Variants in NLGN1 observed in about 807,000 individuals in gnomAD.
NLGN1 encodes the protein neuroligin 1.
NLGN1 carries 12 observed loss-of-function variants against 65.5 expected under a neutral mutation model. That is an observed-to-expected ratio of 0.18 (90% CI 0.12 to 0.30). The LOEUF is 0.30. Among genes scored for constraint, NLGN1 ranks in the 10% least tolerant of loss-of-function variants. The pLI is 1.00. For missense variants in NLGN1, 750 were observed against 1,007.1 expected (o/e 0.74, Z 3.46); for synonymous variants, 350 against 359.5 (o/e 0.97, Z 0.30).
At chr3:173,981,627 C>T (rs574891523) in intron 4 of NLGN1, among the ~76,000 whole-genome samples, 18 of 152,110 alleles carry the variant, frequency 1.2e-4, no homozygotes, top group African/African-American at 2.4e-4. Flanking sequence ...TGTTGTGATA[C>T]GCTGTTTAAT....
intron 3 of NLGN1, among the ~76,000 whole-genome samples, chr3:173,771,868 A>G (rs1379174220): frequency 2.6e-5 from 4 of 151,902 alleles, no homozygotes; most frequent in African/African-American, 2.4e-5. Context: ...TTATAAAAAT[A>G]TACATATACA....
chr3:174,011,038 A>G (rs561546977), intron 4 of NLGN1, among the ~76,000 whole-genome samples: 1 of 152,280 alleles, frequency 6.6e-6, no homozygotes, highest in African/African-American at 2.4e-5. Context: ...ACCATTAAAT[A>G]CAATTTACGT....
At chr3:174,179,910 G>A (rs944590884) in intron 4 of NLGN1, among the ~76,000 whole-genome samples, 6 of 152,180 alleles carry the variant, frequency 3.9e-5, no homozygotes, top group Non-Finnish European at 8.8e-5. Context: ...ATGGTGATAC[G>A]TTTTGATCTG....
At chr3:173,976,442 A>C (rs1717488975) in intron 4 of NLGN1, among the ~76,000 whole-genome samples, 1 of 152,072 alleles carries the variant, frequency 6.6e-6, no homozygotes, top group African/African-American at 2.4e-5. Context: ...GCTATTACAG[A>C]CAATGTACTG....
chr3:174,131,011 C>T (rs145353840), intron 4 of NLGN1, among the ~76,000 whole-genome samples: 1 of 152,226 alleles, frequency 6.6e-6, no homozygotes, highest in East Asian at 1.9e-4. Flanking sequence ...ACTCATCATA[C>T]CCCTTTCCTG....
At chr3:173,947,679 A>G (rs577047407) in intron 4 of NLGN1, among the ~76,000 whole-genome samples, 60 of 152,342 alleles carry the variant, frequency 3.9e-4, no homozygotes, top group African/African-American at 1.2e-3. Flanking sequence ...AAATATCATG[A>G]ACATTCACTT....
intron 4 of NLGN1, among the ~76,000 whole-genome samples, chr3:174,200,858 G>T (rs2152774470): frequency 6.6e-6 from 1 of 152,176 alleles, no homozygotes; most frequent in Non-Finnish European, 1.5e-5. Context: ...TAATTACATG[G>T]AGCAAAAATC....
At chr3:173,886,797 G>A (rs1016149506) in intron 4 of NLGN1, among the ~76,000 whole-genome samples, 2 of 152,000 alleles carry the variant, frequency 1.3e-5, no homozygotes, top group South Asian at 2.1e-4. Context: ...ATAAGTGCAT[G>A]ACCAGAGACT....
chr3:173,814,751 A>G (rs990246584), intron 4 of NLGN1, among the ~76,000 whole-genome samples: 1 of 152,204 alleles, frequency 6.6e-6, no homozygotes, highest in African/African-American at 2.4e-5. Context: ...GAAAAATAAG[A>G]TATATGTGAA....
chr3:173,827,160 C>T (rs1398082287), intron 4 of NLGN1, among the ~76,000 whole-genome samples: 4 of 151,994 alleles, frequency 2.6e-5, no homozygotes, highest in East Asian at 1.9e-4. Flanking sequence ...AAACAAGTTT[C>T]TTCTCTTGTA....
At chr3:174,037,234 C>A (rs957259941) in intron 4 of NLGN1, among the ~76,000 whole-genome samples, 1 of 152,146 alleles carries the variant, frequency 6.6e-6, no homozygotes, top group Non-Finnish European at 1.5e-5. Flanking sequence ...TATAAGTGTT[C>A]CTTTTCCTCT....
chr3:173,964,070 A>G (rs1714245710), intron 4 of NLGN1, among the ~76,000 whole-genome samples: 1 of 152,200 alleles, frequency 6.6e-6, no homozygotes, highest in Non-Finnish European at 1.5e-5. Flanking sequence ...GCCAGAGATT[A>G]AAAGATCAGT....
chr3:173,904,675 T>A (rs1252580271), intron 4 of NLGN1, among the ~76,000 whole-genome samples: 1 of 152,168 alleles, frequency 6.6e-6, no homozygotes, highest in East Asian at 1.9e-4. Context: ...GAGACACTCA[T>A]ATTCTTTTCT....
intron 4 of NLGN1, among the ~76,000 whole-genome samples, chr3:173,886,726 G>A (rs1009537135): frequency 6.6e-6 from 1 of 152,036 alleles, no homozygotes; most frequent in African/African-American, 2.4e-5. Flanking sequence ...TTTCACCTTG[G>A]TGTTTCAACT....
intron 4 of NLGN1, among the ~76,000 whole-genome samples, chr3:173,911,059 GA>G (rs1359748242): frequency 7.2e-5 from 11 of 152,226 alleles, no homozygotes; most frequent in Non-Finnish European, 1.3e-4. Context: ...GTAGGTATAA[GA>G]GACTAAATTT....
chr3:173,815,621 G>T (rs772236142), intron 4 of NLGN1, among the ~76,000 whole-genome samples: 3 of 152,000 alleles, frequency 2.0e-5, no homozygotes, highest in African/African-American at 2.4e-5. Flanking sequence ...CTCCTTTGCT[G>T]ACTCCTACTC....
At chr3:174,026,777 A>C (rs1482885802) in intron 4 of NLGN1, among the ~76,000 whole-genome samples, 1 of 152,186 alleles carries the variant, frequency 6.6e-6, no homozygotes, top group Non-Finnish European at 1.5e-5. Context: ...CCAACAAGCA[A>C]ACAAAACCAC....
chr3:173,777,230 G>T (rs9882520), intron 3 of NLGN1, among the ~76,000 whole-genome samples: 16 of 151,688 alleles, frequency 1.1e-4, no homozygotes, highest in Admixed American at 9.2e-4. Context: ...ATGGGTAAGT[G>T]TTAGCTTTAC....
chr3:173,512,029 G>A (rs908812725), intron 2 of NLGN1, among the ~76,000 whole-genome samples: 7 of 152,174 alleles, frequency 4.6e-5, no homozygotes, highest in African/African-American at 1.7e-4. Flanking sequence ...AACAAGGGCA[G>A]GAACCAGCCT....
Sources: gnomAD v4.1 joint callset for allele counts (sites outside exome capture counted in the v4.1 genomes callset) on GRCh38, gnomAD v4.1.1 for gene constraint, MANE v1.5 for transcripts, NCBI Gene and HGNC (gene_info 2026-07-23, HGNC 2026-07-21) for gene names.